IFT88: variants seen among roughly 807,000 people sequenced by gnomAD.
The protein encoded by IFT88 is intraflagellar transport 88.
Under a neutral mutation model 119.5 loss-of-function variants are expected in IFT88, and 74 were observed. The ratio of observed to expected loss-of-function variants is 0.62; its 90% CI spans 0.51 to 0.75. The LOEUF (loss-of-function observed/expected upper bound fraction) is 0.75. Ranked by LOEUF, IFT88 falls within the 30% of genes least tolerant of loss-of-function variation. The pLI is 0.00. For missense variants in IFT88, 961 were observed against 977.7 expected, an observed-to-expected ratio of 0.98 and a Z score of 0.23; for synonymous variants, 279 against 316.7, an observed-to-expected ratio of 0.88 and a Z score of 1.26.
chr13:20,601,748 G>A lies in IFT88; in HGVS notation c.856G>A (p.Gly286Ser), dbSNP rs777172610. The change falls in exon 12 of 26, where the codon GGT becomes AGT. Residue 286 changes from glycine to serine, a missense_variant. Transcript: ENST00000351808. Reference protein sequence around the residue: ...QNIGVTFIQAGQYSDAINSYE... With the variant: ...QNIGVTFIQASQYSDAINSYE... ...TATTGGAGTTACATTTATTCAGGCTGGTCAGTATTCAGATGCTATTAATTC... is the reference window on the plus strand; with the variant it reads ...TATTGGAGTTACATTTATTCAGGCTAGTCAGTATTCAGATGCTATTAATTC... 8 of 1,612,468 alleles carry A rather than the reference G, an allele frequency of 5.0e-6. No homozygotes were observed. The South Asian group carries it at 8.8e-5, about 18-fold the overall frequency.
intron 20 of IFT88, among the ~76,000 whole-genome samples, chr13:20,648,993 C>T (rs2051173199): frequency 6.6e-6 from 1 of 152,036 alleles, no homozygotes; most frequent in South Asian, 2.1e-4. Flanking sequence ...ACTTAAAAAC[C>T]CAACAGAGGA....
At chr13:20,632,345 A>C (rs775140738) in intron 16 of IFT88, among the ~76,000 whole-genome samples, 8 of 152,134 alleles carry the variant, frequency 5.3e-5, no homozygotes, top group Non-Finnish European at 1.2e-4. Flanking sequence ...TTCCTTAGGA[A>C]TAACTGTTCA....
chr13:20,569,824 C>T (rs902526982), intron 1 of IFT88, among the ~76,000 whole-genome samples: 2 of 151,520 alleles, frequency 1.3e-5, no homozygotes, highest in Non-Finnish European at 1.5e-5. Context: ...GTCAGGAGAT[C>T]GAGACCATAC....
chr13:20,688,526 A>C (rs2058182295), intron 24 of IFT88, among the ~76,000 whole-genome samples: 1 of 152,232 alleles, frequency 6.6e-6, no homozygotes, highest in Non-Finnish European at 1.5e-5. Context: ...AATTTGATTT[A>C]AAGTGGACTT....
In IFT88 at chr13:20,615,886, G is replaced by T; in HGVS notation, c.1199+7G>T. 1 of 1,569,836 alleles carries T rather than the reference G, an allele frequency of 6.4e-7. No individual in the cohort carries two copies. Among genetic ancestry groups the T allele is most frequent in the South Asian group, 1.1e-5 (1 of 88,194 alleles). On this transcript the variant is annotated splice_region_variant and intron_variant, in intron 14 of 25. Transcript: ENST00000351808. ...TTGCTGCAGGTTATGATTGGTAAGA[G>T]AGAAAGTCTATAATACTGCATAGAT...
At chr13:20,659,395 G>A (rs1460917356) in intron 22 of IFT88, among the ~76,000 whole-genome samples, 1 of 151,996 alleles carries the variant, frequency 6.6e-6, no homozygotes, top group African/African-American at 2.4e-5. Flanking sequence ...TCGGGAGGCT[G>A]AGATGGAAGG....
intron 16 of IFT88, among the ~76,000 whole-genome samples, chr13:20,637,222 G>A (rs947873040): frequency 6.6e-6 from 1 of 152,194 alleles, no homozygotes; most frequent in Non-Finnish European, 1.5e-5. Context: ...GCACAACTTT[G>A]TGAACCTACT....
intron 13 of IFT88, 143 bp downstream of exon 13, chr13:20,605,248 T>C (rs2043224683): frequency 2.4e-6 from 1 of 424,100 alleles, no homozygotes; most frequent in African/African-American, 2.1e-5. Context: ...TTCTGTTTCT[T>C]ACAGAACTTG....
intron 8 of IFT88, 60 bp from the exon 9 acceptor site, chr13:20,596,955 C>A: frequency 3.4e-6 from 3 of 884,042 alleles, no homozygotes; most frequent in South Asian, 1.8e-5. Context: ...AGATATTTCT[C>A]AAATGCATAA....
At chr13:20,620,069 C>T (rs2046241172) in intron 14 of IFT88, among the ~76,000 whole-genome samples, 2 of 152,128 alleles carry the variant, frequency 1.3e-5, no homozygotes, top group Admixed American at 6.5e-5. Context: ...CCTTTTAAGG[C>T]AACTTTTGCA....
chr13:20,605,014 T>C (rs1009527473), intron 12 of IFT88, 21 bp from the exon 13 acceptor site: 6 of 1,196,712 alleles, frequency 5.0e-6, no homozygotes, highest in Non-Finnish European at 7.3e-6. Context: ...ATTCTTTTTT[T>C]CTTCCATTTT....
intron 21 of IFT88, among the ~76,000 whole-genome samples, chr13:20,656,122 T>TAAA (rs60352862): frequency 5.7e-5 from 6 of 104,768 alleles, no homozygotes; most frequent in African/African-American, 1.5e-4. Flanking sequence ...CTCGTCTCTT[T>TAAA]AAAAAAAAAA....
chr13:20,644,191 AC>A (rs2050389410), intron 19 of IFT88, among the ~76,000 whole-genome samples: 1 of 152,002 alleles, frequency 6.6e-6, no homozygotes, highest in African/African-American at 2.4e-5. Flanking sequence ...ACATAACAAG[AC>A]CCCATCTCTA....
intron 14 of IFT88, among the ~76,000 whole-genome samples, chr13:20,618,205 C>G (rs1272044357): frequency 6.6e-6 from 1 of 152,228 alleles, no homozygotes; most frequent in East Asian, 1.9e-4. Context: ...TGGTCGTGAG[C>G]CACTGCGCCT....
At position 20,638,408 on chromosome 13, in the gene IFT88, C is replaced by G; in HGVS notation, c.1463C>G (p.Thr488Ser). Residue 488 changes from threonine to serine, a missense_variant, in exon 17 of 26, where the codon ACT (threonine) becomes AGT (serine). Coordinates refer to ENST00000351808, the MANE Select transcript of IFT88 (RefSeq NM_006531.5). ...GATAGATATAATCCAGCAGCTCTTA[C>G]TAATAAAGGGAATACAGTTTTTGCA... The part of the protein sequence containing the change: ...NSDRYNPAAL[T>S]NKGNTVFANG... 6.6e-7 allele frequency: 1 copy of G among 1,523,568 alleles called. No individual in the cohort carries two copies. The highest frequency in any genetic ancestry group is 8.8e-7 in the Non-Finnish European group (1 of 1,140,424). The allele number at this position is 1,523,568 out of a possible 1,614,324, so 94.4% of individuals were successfully genotyped here. A position where few individuals can be genotyped will look rare whatever the true frequency, so the allele number is the denominator to read the frequency against.
intron 24 of IFT88, among the ~76,000 whole-genome samples, chr13:20,676,711 A>G (rs1487944025): frequency 6.6e-6 from 1 of 152,264 alleles, no homozygotes; most frequent in African/African-American, 2.4e-5. Context: ...AAAGCTGAAT[A>G]TTTACTTCAG....
chr13:20,633,372 G>A (rs1279753982), intron 16 of IFT88, among the ~76,000 whole-genome samples: 2 of 152,118 alleles, frequency 1.3e-5, no homozygotes, highest in Admixed American at 6.6e-5. Context: ...CCAGCCATTG[G>A]ATGTGGCCTG....
At chr13:20,670,871 A>AAGGGTAAT (rs2055719628) in intron 23 of IFT88, 102 bp from the exon 24 acceptor site, 17 of 886,454 alleles carry the variant, frequency 1.9e-5, no homozygotes, top group Admixed American at 2.7e-5. Flanking sequence ...GGTTAGTCCT[A>AAGGGTAAT]AGGGTAATGT....
chr13:20,591,779 C>T (rs2040730166), intron 6 of IFT88, 98 bp downstream of exon 6: 13 of 780,740 alleles, frequency 1.7e-5, no homozygotes, highest in Middle Eastern at 2.8e-4. Flanking sequence ...TAAAATCTAA[C>T]AATGCCATTG....
Sources: gnomAD v4.1 joint callset for allele counts (sites outside exome capture counted in the v4.1 genomes callset) on GRCh38, gnomAD v4.1.1 for gene constraint, MANE v1.5 for transcripts, NCBI Gene and HGNC (gene_info 2026-07-23, HGNC 2026-07-21) for gene names.